FAM222B: variants seen among roughly 807,000 people sequenced by gnomAD.
FAM222B encodes family with sequence similarity 222 member B, also known as protein FAM222B.
A neutral mutation model predicts 38.0 loss-of-function variants in FAM222B; 12 were observed. The ratio of observed to expected loss-of-function variants is 0.32; its 90% CI spans 0.20 to 0.51. FAM222B has a LOEUF of 0.51. Among genes scored for constraint, FAM222B ranks in the 20% least tolerant of loss-of-function variants. The pLI is 0.97. For missense variants in FAM222B, 716 were observed against 754.2 expected, an observed-to-expected ratio of 0.95 and a Z score of 0.59; for synonymous variants, 329 against 317.2, an observed-to-expected ratio of 1.04 and a Z score of -0.40.
intron 1 of FAM222B, among the ~76,000 whole-genome samples, chr17:28,791,767 G>C (rs8071220): frequency 0.87 from 129,766 of 149,028 alleles, 56,765 homozygotes; most frequent in African/African-American, 0.96. Context: ...TCAAGTGATT[G>C]TCCTGCCTCA....
At chr17:28,841,156 G>A (rs528372436) in intron 1 of FAM222B, among the ~76,000 whole-genome samples, 24 of 151,114 alleles carry the variant, frequency 1.6e-4, no homozygotes, top group Non-Finnish European at 3.2e-4. Context: ...TTAGCCAGGC[G>A]TGGTGGTGGG....
At chr17:28,788,145 TAA>T (rs1329944851) in intron 1 of FAM222B, among the ~76,000 whole-genome samples, 1 of 151,740 alleles carries the variant, frequency 6.6e-6, no homozygotes, top group Non-Finnish European at 1.5e-5. Context: ...TTTAAACCTC[TAA>T]AGTGTTGAAA....
At chr17:28,850,338 G>A (rs1598070648) in intron 1 of FAM222B, among the ~76,000 whole-genome samples, 1 of 151,478 alleles carries the variant, frequency 6.6e-6, no homozygotes, top group African/African-American at 2.4e-5. Flanking sequence ...GTCTTGCTCT[G>A]TCGCCCGGGC....
intron 1 of FAM222B, among the ~76,000 whole-genome samples, chr17:28,822,125 G>A (rs1037978629): frequency 6.7e-5 from 10 of 149,974 alleles, no homozygotes; most frequent in East Asian, 2.1e-4. Context: ...GGGTTCAAGC[G>A]ATTCTCCTGC....
chr17:28,821,206 G>A (rs556194108), intron 1 of FAM222B, among the ~76,000 whole-genome samples: 7 of 152,002 alleles, frequency 4.6e-5, no homozygotes, highest in East Asian at 1.9e-4. Flanking sequence ...CACCCACCTC[G>A]GCCTCCCAAA....
At chr17:28,789,756 G>A (rs544219716) in intron 1 of FAM222B, among the ~76,000 whole-genome samples, 8 of 152,320 alleles carry the variant, frequency 5.3e-5, no homozygotes, top group Non-Finnish European at 1.0e-4. Context: ...GGCAGAGAAA[G>A]TACTAGATGA....
chr17:28,779,215 G>A (rs1424880850), intron 1 of FAM222B, among the ~76,000 whole-genome samples: 2 of 151,976 alleles, frequency 1.3e-5, no homozygotes, highest in African/African-American at 4.8e-5. Context: ...ATACCAAAGC[G>A]AGACAAGGAC....
At chr17:28,827,709 G>T (rs1394877046) in intron 1 of FAM222B, among the ~76,000 whole-genome samples, 1 of 152,156 alleles carries the variant, frequency 6.6e-6, no homozygotes, top group Admixed American at 6.6e-5. Flanking sequence ...TGGAAGAAAT[G>T]TCCTTGGAAG....
chr17:28,848,200 C>G (rs540072049), intron 1 of FAM222B, among the ~76,000 whole-genome samples: 1 of 152,194 alleles, frequency 6.6e-6, no homozygotes, highest in South Asian at 2.1e-4. Context: ...CTTCTTACAT[C>G]CAGCTCCAGT....
At chr17:28,804,395 C>A (rs1395106641) in intron 1 of FAM222B, among the ~76,000 whole-genome samples, 1 of 151,956 alleles carries the variant, frequency 6.6e-6, no homozygotes, top group South Asian at 2.1e-4. Context: ...AGCGCAGTGG[C>A]GCGATCTCGG....
chr17:28,787,759 T>A (rs1259300114), intron 1 of FAM222B, among the ~76,000 whole-genome samples: 7 of 152,090 alleles, frequency 4.6e-5, no homozygotes, highest in African/African-American at 1.4e-4. Flanking sequence ...GATTCTGAAA[T>A]TCACTTTAGG....
chr17:28,758,213 G>T lies in FAM222B; in HGVS notation c.*57C>A. On this transcript the variant is annotated 3_prime_UTR_variant, in exon 3 of 3. Transcript: ENST00000581407. ...TTTGAAACTATCCAGTTACTTAAAAGACTAAACCTAGGAGGGTGATGTATG... is the reference window on the plus strand; with the variant it reads ...TTTGAAACTATCCAGTTACTTAAAATACTAAACCTAGGAGGGTGATGTATG... 7.2e-7 allele frequency: 1 copy of T among 1,389,322 alleles called. No homozygotes were observed. Among genetic ancestry groups the T allele is most frequent in the South Asian group, 1.4e-5 (1 of 72,168 alleles). 86.1% of individuals were successfully genotyped at this position (1,389,322 alleles called of 1,614,324 possible).
chr17:28,830,816 T>A (rs574911739), intron 1 of FAM222B, among the ~76,000 whole-genome samples: 71 of 149,810 alleles, frequency 4.7e-4, no homozygotes, highest in Admixed American at 2.5e-3. Flanking sequence ...CAAAACCCCA[T>A]CTCTATTAAA....
At chr17:28,791,303 C>G (rs1470272670) in intron 1 of FAM222B, among the ~76,000 whole-genome samples, 1 of 151,978 alleles carries the variant, frequency 6.6e-6, no homozygotes, top group Non-Finnish European at 1.5e-5. Context: ...AGCAACTATT[C>G]TCATTTATCT....
chr17:28,830,315 C>G (rs537847448), intron 1 of FAM222B, among the ~76,000 whole-genome samples: 1 of 152,062 alleles, frequency 6.6e-6, no homozygotes, highest in South Asian at 2.1e-4. Context: ...GTGCCCGCAA[C>G]CACGCCTGGC....
At position 28,830,389 on chromosome 17, in the gene FAM222B, C is replaced by A. The variant is rs568191990; in HGVS notation, c.-41+12293G>T. Among the ~76,000 whole-genome samples the A allele has an allele frequency of 3.3e-5, 5 of 149,342 alleles. No homozygotes were observed. In the East Asian group the frequency reaches 1.0e-3, roughly 30 times the overall value. On this transcript the variant is annotated intron_variant, in intron 1 of 2. Transcript: ENST00000581407. ...GTTAGCCGGGATGGTCTTGATCTCC[C>A]AACCTCGTGATCCAGCTGCCTCGGT...
At chr17:28,797,467 T>C (rs2036996898) in intron 1 of FAM222B, among the ~76,000 whole-genome samples, 1 of 152,190 alleles carries the variant, frequency 6.6e-6, no homozygotes, top group Non-Finnish European at 1.5e-5. Flanking sequence ...CAATTTGATC[T>C]TGTTCAACAG....
At chr17:28,826,383 T>G (rs2038440803) in intron 1 of FAM222B, among the ~76,000 whole-genome samples, 1 of 152,188 alleles carries the variant, frequency 6.6e-6, no homozygotes, top group Non-Finnish European at 1.5e-5. Flanking sequence ...TAACTGATTT[T>G]TAAAAAGCTG....
At chr17:28,839,591 C>T (rs1172732345) in intron 1 of FAM222B, among the ~76,000 whole-genome samples, 3 of 152,112 alleles carry the variant, frequency 2.0e-5, no homozygotes, top group Admixed American at 2.0e-4. Flanking sequence ...AATAAATGTC[C>T]AACTATTAAA....
Sources: gnomAD v4.1 joint callset for allele counts (sites outside exome capture counted in the v4.1 genomes callset) on GRCh38, gnomAD v4.1.1 for gene constraint, MANE v1.5 for transcripts, NCBI Gene and HGNC (gene_info 2026-07-23, HGNC 2026-07-21) for gene names.